Variants in FHIT observed in about 807,000 individuals in gnomAD.
FHIT encodes the protein fragile histidine triad diadenosine triphosphatase, also known as bis(5'-adenosyl)-triphosphatase.
A neutral mutation model predicts 17.9 loss-of-function variants in FHIT; 19 were observed. The observed-to-expected ratio is 1.06, with a 90% CI of 0.74 to 1.56. The LOEUF (loss-of-function observed/expected upper bound fraction) is 1.56. Ranked by LOEUF, FHIT falls within the 40% of genes most tolerant of loss-of-function variation. The pLI is 0.00. For synonymous variants in FHIT, 81 were observed against 69.7 expected (o/e 1.16, Z -0.81); for missense variants, 248 against 189.2 (o/e 1.31, Z -1.82).
chr3:60,393,978 G>C (rs192714832), intron 5 of FHIT, among the ~76,000 whole-genome samples: 1 of 152,222 alleles, frequency 6.6e-6, no homozygotes, highest in South Asian at 2.1e-4. Context: ...TCTAAAGAAA[G>C]CTGGACCAAG....
rs147482180 is a variant in FHIT at position 60,730,677 on chromosome 3, C to T, written c.-18+91242G>A. 416 of 152,556 alleles carry T rather than the reference C, an allele frequency of 2.7e-3. 1 individual carries two copies. Among genetic ancestry groups the T allele is most frequent in the South Asian group, 0.025 (122 of 4,836 alleles). 9.5% of individuals were successfully genotyped at this position (152,556 alleles called of 1,614,324 possible). On this transcript the variant is annotated intron_variant, in intron 4 of 9. Coordinates refer to ENST00000492590, the MANE Select transcript of FHIT (RefSeq NM_002012.4). Reference sequence around the variant, plus strand: ...GGAGCAGAGGCCAGGACTCGCACTGCGGCCTCCAGAGCCACTGCCGCCATC... The same window carrying T: ...GGAGCAGAGGCCAGGACTCGCACTGTGGCCTCCAGAGCCACTGCCGCCATC...
At position 59,973,406 on chromosome 3, in the gene FHIT, C is replaced by T. The variant is rs888381568; in HGVS notation, c.279+37965G>A. 3.4e-4 allele frequency among the ~76,000 whole-genome samples: 51 copies of T among 152,062 alleles called. 2 individuals are homozygous for T. Among genetic ancestry groups the T allele is most frequent in the African/African-American group, 2.4e-5 (1 of 41,434 alleles). The stretch of plus-strand genomic sequence containing the variant: ...TTGCCTTGTGCTCCCACCACACCAA[C>T]CTCTCTCTTCTGCCACAGGCCCTCT... On this transcript the variant is annotated intron_variant, in intron 7 of 9. Transcript: ENST00000492590.
chr3:59,768,381 G>A (rs1701907160), intron 8 of FHIT, among the ~76,000 whole-genome samples: 1 of 152,160 alleles, frequency 6.6e-6, no homozygotes, highest in South Asian at 2.1e-4. Flanking sequence ...GTGAGTAGGA[G>A]TTATTCTTTA....
intron 4 of FHIT, among the ~76,000 whole-genome samples, chr3:60,789,578 A>G (rs1553727978): frequency 6.6e-6 from 1 of 152,164 alleles, no homozygotes; most frequent in Non-Finnish European, 1.5e-5. Flanking sequence ...TAAGAGTCTA[A>G]GATTCTCTGG....
chr3:60,387,127 A>C (rs573820039), intron 5 of FHIT, among the ~76,000 whole-genome samples: 3 of 149,988 alleles, frequency 2.0e-5, no homozygotes, highest in Admixed American at 6.7e-5. Flanking sequence ...AGCTGGGATT[A>C]CAGGTGCCTG....
intron 8 of FHIT, among the ~76,000 whole-genome samples, chr3:59,794,531 C>A (rs975944336): frequency 6.6e-6 from 1 of 152,176 alleles, no homozygotes; most frequent in Non-Finnish European, 1.5e-5. Context: ...ACATCAGGCC[C>A]TGTGCAGGCG....
intron 7 of FHIT, among the ~76,000 whole-genome samples, chr3:59,991,012 G>A (rs1559528853): frequency 6.6e-6 from 1 of 151,974 alleles, no homozygotes; most frequent in Admixed American, 6.6e-5. Flanking sequence ...CATTCCTTCC[G>A]TGAGTTCAAA....
chr3:60,281,196 A>C (rs1368576245), intron 5 of FHIT, among the ~76,000 whole-genome samples: 1 of 152,160 alleles, frequency 6.6e-6, no homozygotes, highest in Admixed American at 6.6e-5. Context: ...AAAGAAATAA[A>C]ATCTAAATAA....
At chr3:60,980,574 G>A (rs917371145) in intron 3 of FHIT, among the ~76,000 whole-genome samples, 2 of 152,094 alleles carry the variant, frequency 1.3e-5, no homozygotes, top group Non-Finnish European at 2.9e-5. Context: ...CCCAGATGTC[G>A]GTTCCAGAAA....
intron 8 of FHIT, among the ~76,000 whole-genome samples, chr3:59,877,867 G>A (rs1464195847): frequency 1.3e-5 from 2 of 152,118 alleles, no homozygotes; most frequent in Non-Finnish European, 2.9e-5. Flanking sequence ...AAATGAGTTG[G>A]ATAACCATGA....
At chr3:61,194,902 A>T (rs909100678) in intron 2 of FHIT, among the ~76,000 whole-genome samples, 2 of 152,022 alleles carry the variant, frequency 1.3e-5, no homozygotes, top group Non-Finnish European at 2.9e-5. Flanking sequence ...TATAGTTCTG[A>T]AATAATTTCA....
intron 4 of FHIT, among the ~76,000 whole-genome samples, chr3:60,721,565 T>C (rs1377336694): frequency 6.6e-6 from 1 of 152,128 alleles, no homozygotes; most frequent in African/African-American, 2.4e-5. Flanking sequence ...TCTCTGGAAA[T>C]AATATCCCAG....
intron 5 of FHIT, among the ~76,000 whole-genome samples, chr3:60,403,727 G>A (rs370371914): frequency 1.8e-4 from 28 of 152,248 alleles, no homozygotes; most frequent in African/African-American, 6.5e-4. Context: ...ACCAGGATTA[G>A]ATCACATTTT....
intron 4 of FHIT, among the ~76,000 whole-genome samples, chr3:60,772,049 G>A (rs1015038705): frequency 1.3e-5 from 2 of 152,058 alleles, no homozygotes; most frequent in Admixed American, 1.3e-4. Context: ...CAAAGGTGGT[G>A]TACAATGATT....
At chr3:61,011,738 A>T (rs942693091) in intron 3 of FHIT, among the ~76,000 whole-genome samples, 1 of 152,194 alleles carries the variant, frequency 6.6e-6, no homozygotes, top group African/African-American at 2.4e-5. Flanking sequence ...ATTGTCAAAG[A>T]ATACATTGCT....
intron 5 of FHIT, among the ~76,000 whole-genome samples, chr3:60,048,316 A>G (rs1277986967): frequency 3.3e-5 from 5 of 152,114 alleles, no homozygotes; most frequent in African/African-American, 4.8e-5. Context: ...AGCTGGGACT[A>G]CGGACATGTG....
intron 5 of FHIT, among the ~76,000 whole-genome samples, chr3:60,142,364 C>G (rs1000107420): frequency 2.0e-5 from 3 of 152,212 alleles, no homozygotes; most frequent in African/African-American, 7.2e-5. Flanking sequence ...TAAATGCTAA[C>G]TACTACTATA....
chr3:61,209,923 T>G (rs1051331370), intron 1 of FHIT, among the ~76,000 whole-genome samples: 1 of 152,202 alleles, frequency 6.6e-6, no homozygotes, highest in Admixed American at 6.5e-5. Context: ...CTGCTCTGTT[T>G]TTTCCCCATC....
chr3:61,083,472 C>T (rs2035209718), intron 2 of FHIT, among the ~76,000 whole-genome samples: 2 of 152,166 alleles, frequency 1.3e-5, no homozygotes, highest in Admixed American at 1.3e-4. Context: ...CGCCTGTAGT[C>T]CCAGCTACTC....
Sources: allele counts gnomAD v4.1 joint callset (sites outside exome capture counted in the v4.1 genomes callset), GRCh38; gene constraint gnomAD v4.1.1; transcripts MANE v1.5; gene names NCBI Gene and HGNC (gene_info 2026-07-23, HGNC 2026-07-21).